Variants in CRYL1 observed in about 807,000 individuals in gnomAD.
The protein encoded by CRYL1 is crystallin lambda 1.
CRYL1 carries 29 observed loss-of-function variants against 36.6 expected under a neutral mutation model. The ratio of observed to expected loss-of-function variants is 0.79; its 90% confidence interval spans 0.59 to 1.08. The LOEUF (loss-of-function observed/expected upper bound fraction) is 1.08. Among genes scored for constraint, CRYL1 ranks in the 50% least tolerant of loss-of-function variants. CRYL1 has a pLI of 0.00. For synonymous variants in CRYL1, 152 were observed against 151.5 expected, an observed-to-expected ratio of 1.00 and a Z score of -0.02; for missense variants, 411 against 407.9, an observed-to-expected ratio of 1.01 and a Z score of -0.06.
chr13:20,451,184 A>G (rs2032564655), intron 3 of CRYL1, among the ~76,000 whole-genome samples: 1 of 152,160 alleles, frequency 6.6e-6, no homozygotes, highest in Admixed American at 6.6e-5. Flanking sequence ...CGTTGTGCAC[A>G]TGTATCCTAG....
chr13:20,444,964 C>T (rs1483133930), intron 3 of CRYL1, among the ~76,000 whole-genome samples: 1 of 152,138 alleles, frequency 6.6e-6, no homozygotes, highest in Non-Finnish European at 1.5e-5. Context: ...GTGATCCACC[C>T]GCCTCAGCTT....
intron 4 of CRYL1, 52 bp downstream of exon 4, chr13:20,439,541 A>AG (rs2032308080): frequency 7.2e-7 from 1 of 1,396,622 alleles, no homozygotes; most frequent in East Asian, 2.4e-5. Context: ...GAAAAAAAAA[A>AG]AACACAGAAT....
At chr13:20,467,009 G>T (rs1477226759) in intron 3 of CRYL1, among the ~76,000 whole-genome samples, 3 of 151,330 alleles carry the variant, frequency 2.0e-5, no homozygotes, top group African/African-American at 7.3e-5. Context: ...GTGCAGTGGT[G>T]TGATCTTGGC....
intron 5 of CRYL1, among the ~76,000 whole-genome samples, chr13:20,426,281 T>TAAAA (rs35582177): frequency 8.3e-5 from 12 of 144,518 alleles, no homozygotes; most frequent in East Asian, 4.0e-4. Flanking sequence ...TATCTTTATT[T>TAAAA]AAAAAAAAAA....
chr13:20,511,043 T>C (rs1234862127), intron 2 of CRYL1, among the ~76,000 whole-genome samples: 1 of 151,980 alleles, frequency 6.6e-6, no homozygotes, highest in East Asian at 1.9e-4. Flanking sequence ...GGTTTTTCGG[T>C]GTTGTTTTAC....
intron 3 of CRYL1, among the ~76,000 whole-genome samples, chr13:20,454,956 A>G (rs766682692): frequency 2.6e-5 from 4 of 152,166 alleles, no homozygotes; most frequent in Admixed American, 6.5e-5. Context: ...AGCCAGTGCA[A>G]TAAGGCAAGA....
chr13:20,454,803 A>G (rs2032646749), intron 3 of CRYL1, among the ~76,000 whole-genome samples: 2 of 152,110 alleles, frequency 1.3e-5, no homozygotes, highest in Non-Finnish European at 1.5e-5. Flanking sequence ...TATTATTCCT[A>G]TGCTAACATC....
intron 3 of CRYL1, among the ~76,000 whole-genome samples, chr13:20,452,341 T>C (rs1292563729): frequency 6.6e-6 from 1 of 150,966 alleles, no homozygotes; most frequent in Non-Finnish European, 1.5e-5. Context: ...AGTAAAAGAA[T>C]GGAAAAATAT....
intron 1 of CRYL1, among the ~76,000 whole-genome samples, chr13:20,524,201 C>T (rs560313581): frequency 1.6e-4 from 25 of 152,302 alleles, no homozygotes; most frequent in African/African-American, 6.0e-4. Context: ...CCAGCCTGGG[C>T]GACAGAGCGA....
intron 3 of CRYL1, among the ~76,000 whole-genome samples, chr13:20,444,390 G>A (rs1374740514): frequency 6.6e-6 from 1 of 152,198 alleles, no homozygotes; most frequent in Non-Finnish European, 1.5e-5. Flanking sequence ...TGTAGACTGA[G>A]TTTAAGAATG....
At chr13:20,482,251 A>T (rs2033292830) in intron 3 of CRYL1, among the ~76,000 whole-genome samples, 2 of 152,208 alleles carry the variant, frequency 1.3e-5, no homozygotes, top group African/African-American at 4.8e-5. Flanking sequence ...GACAATATCC[A>T]TTTAACTTCT....
At chr13:20,423,409 T>C (rs1215067970) in intron 5 of CRYL1, among the ~76,000 whole-genome samples, 2 of 152,210 alleles carry the variant, frequency 1.3e-5, no homozygotes, top group African/African-American at 4.8e-5. Flanking sequence ...GTGTCACGTA[T>C]GACCTTTATC....
At chr13:20,495,334 G>C (rs1437168431) in intron 2 of CRYL1, among the ~76,000 whole-genome samples, 1 of 152,048 alleles carries the variant, frequency 6.6e-6, no homozygotes, top group East Asian at 1.9e-4. Context: ...CCTAACACTA[G>C]GACTCAAAAT....
chr13:20,501,231 TA>T (rs2033698203), intron 2 of CRYL1, among the ~76,000 whole-genome samples: 1 of 152,170 alleles, frequency 6.6e-6, no homozygotes, highest in Non-Finnish European at 1.5e-5. Flanking sequence ...GGTGTTTTGG[TA>T]ACAAAACCAC....
At chr13:20,432,423 C>G (rs1056685036) in intron 4 of CRYL1, 127 bp from the exon 5 acceptor site, 2 of 570,570 alleles carry the variant, frequency 3.5e-6, no homozygotes, top group African/African-American at 3.8e-5. Flanking sequence ...CAGTGGCCAA[C>G]AACAAGATAC....
At chr13:20,429,485 T>C (rs2032006073) in intron 5 of CRYL1, among the ~76,000 whole-genome samples, 3 of 152,140 alleles carry the variant, frequency 2.0e-5, no homozygotes, top group South Asian at 2.1e-4. Flanking sequence ...GTATCTGGCA[T>C]GGAAACCGGC....
At chr13:20,511,713 G>A (rs772692610) in intron 2 of CRYL1, among the ~76,000 whole-genome samples, 11 of 152,198 alleles carry the variant, frequency 7.2e-5, no homozygotes, top group South Asian at 2.1e-4. Flanking sequence ...TGACGGCACC[G>A]CAGGGGGACG....
chr13:20,516,928 G>T (rs1178654550), intron 1 of CRYL1, among the ~76,000 whole-genome samples: 1 of 152,078 alleles, frequency 6.6e-6, no homozygotes, highest in Non-Finnish European at 1.5e-5. Context: ...TTTTAAATTA[G>T]CTGGGTGTAG....
Position 20,525,388 on chromosome 13 carries a change from C to G in CRYL1, c.41+366G>C, listed in dbSNP as rs2034172099. On this transcript the variant is annotated intron_variant, in intron 1 of 7. Coordinates refer to ENST00000298248, the MANE Select transcript of CRYL1 (RefSeq NM_015974.3). This position sits in a 1 kb window ranked among gnomAD's most constrained non-coding sequence, Gnocchi z 4.3. ...TCGTCGCAGGATCGCAGCCAGAATT[C>G]GTTTCATTCAACACGGTGCCTGGCA... 6.6e-6 allele frequency among the ~76,000 whole-genome samples: 1 copy of G among 152,220 alleles called. No homozygotes were observed.
Sources: allele counts gnomAD v4.1 joint callset (sites outside exome capture counted in the v4.1 genomes callset), GRCh38; gene constraint gnomAD v4.1.1; non-coding constraint Gnocchi (gnomAD v3.1); transcripts MANE v1.5; gene names NCBI Gene and HGNC (gene_info 2026-07-23, HGNC 2026-07-21).